Variants in A2ML1 observed in about 807,000 individuals in gnomAD.
A2ML1 encodes the protein alpha-2-macroglobulin-like protein 1.
A neutral mutation model predicts 181.9 loss-of-function variants in A2ML1; 161 were observed. The ratio of observed to expected loss-of-function variants is 0.89; its 90% CI spans 0.78 to 1.01. The LOEUF (loss-of-function observed/expected upper bound fraction) is 1.01, where lower values mean the gene tolerates loss of function less well. Among genes scored for constraint, A2ML1 ranks in the 50% least tolerant of loss-of-function variants. The pLI is 0.00. For missense variants in A2ML1, 1,670 were observed against 1,768.1 expected, an observed-to-expected ratio of 0.94 and a Z score of 1.00; for synonymous variants, 663 against 666.8, an observed-to-expected ratio of 0.99 and a Z score of 0.09.
chr12:8,861,787 TTCTC>T (rs1471745098), intron 28 of A2ML1, among the ~76,000 whole-genome samples: 1 of 146,712 alleles, frequency 6.8e-6, no homozygotes, highest in African/African-American at 2.6e-5. Flanking sequence ...ACGCCCGAGT[TTCTC>T]TCTTCTTGCC....
Position 8,868,519 on chromosome 12 carries a change from T to G in A2ML1, c.4062-18T>G. ...TGAAGTAATAGGCTCACATGTGTTT[T>G]CTTCTTCCTGCTCTCAGTTATGTGG... On this transcript the variant is annotated intron_variant, in intron 31 of 35. Coordinates refer to ENST00000299698, the MANE Select transcript of A2ML1 (RefSeq NM_144670.6). The G allele has an allele frequency of 6.2e-7, 1 of 1,613,138 alleles. No homozygotes were observed.
chr12:8,830,916 TA>T (rs1943090823), intron 4 of A2ML1: 1 of 151,820 alleles, frequency 6.6e-6, no homozygotes, highest in South Asian at 2.1e-4. Flanking sequence ...TTTTCTTTGG[TA>T]GGTATAACGT....
chr12:8,825,340 CA>C (rs1342498672), intron 3 of A2ML1, among the ~76,000 whole-genome samples: 1 of 152,112 alleles, frequency 6.6e-6, no homozygotes, highest in Non-Finnish European at 1.5e-5. Flanking sequence ...ATTTCTCTGA[CA>C]GTCAATGATT....
rs1944726318 is a variant in A2ML1 at position 8,874,274 on chromosome 12, C to A, written c.4222-151C>A. On this transcript the variant is annotated intron_variant, in intron 33 of 35. Transcript: ENST00000299698. ...CTGGTGATTCACCCACTTCGGCCTC[C>A]CAAAGTGCTGGGATTAGAGGCATGA... 9.5e-6 allele frequency: 5 copies of A among 523,636 alleles called. No homozygotes were observed. In the South Asian group the frequency reaches 1.0e-4, roughly 11 times the overall value. The allele number at this position is 523,636 out of a possible 1,614,324, so 32.4% of individuals were successfully genotyped here.
In A2ML1 at chr12:8,823,185, C is replaced by G; in HGVS notation, c.66C>G (p.Asn22Lys). 6.2e-7 allele frequency: 1 copy of G among 1,613,118 alleles called. No individual in the cohort carries two copies. The highest frequency in any genetic ancestry group is 8.5e-7 in the Non-Finnish European group (1 of 1,179,672). The change falls in exon 2 of 36, where the codon AAC becomes AAG. Residue 22 changes from asparagine (N) to lysine (K), a missense_variant. Asn to Lys is a moderately conservative substitution (Grantham distance 94, BLOSUM62 0). Transcript: ENST00000299698. ...AATCCTTCTGCTCCTTTAATAGAAA[C>G]TACCTGGTGACATTACCAGCCCGGC... is the stretch of plus-strand genomic sequence containing the variant. ...LSPAIAEELP[N>K]YLVTLPARLN...
Position 8,836,352 on chromosome 12 carries a change from G to T in A2ML1, c.728+13G>T. On this transcript the variant is annotated intron_variant, in intron 7 of 35. Coordinates refer to ENST00000299698, the MANE Select transcript of A2ML1 (RefSeq NM_144670.6). Reference sequence around the variant, plus strand: ...AAATTTGTTGTAGGTAAGAGCAGAAGCTTGGGATCTGGTGGAGATTAAAGA... The same window carrying T: ...AAATTTGTTGTAGGTAAGAGCAGAATCTTGGGATCTGGTGGAGATTAAAGA... 1 of 1,606,204 alleles carries T rather than the reference G, an allele frequency of 6.2e-7. No homozygotes were observed. The highest frequency in any genetic ancestry group is 1.7e-4 in the Middle Eastern group (1 of 6,048).
intron 26 of A2ML1, among the ~76,000 whole-genome samples, chr12:8,859,946 A>T (rs1341243554): frequency 6.6e-6 from 1 of 152,076 alleles, no homozygotes; most frequent in Non-Finnish European, 1.5e-5. Context: ...GGTGTGGCAC[A>T]TGAGCTCCAG....
chr12:8,876,289 G>A lies in A2ML1; in HGVS notation c.*233G>A, dbSNP rs1486293580. On this transcript the variant is annotated 3_prime_UTR_variant, in exon 36 of 36. Transcript: ENST00000299698. ...GGCGTTGCATGGGCAGGGTCATAGG[G>A]GGAAGAAAGGTGGTTTAGCTGTTTT... 4 of 152,296 alleles carry A rather than the reference G, an allele frequency of 2.6e-5. No homozygotes were observed. The highest frequency in any genetic ancestry group is 9.7e-5 in the African/African-American group (4 of 41,448). The allele number at this position is 152,296 out of a possible 1,614,324, so 9.4% of individuals were successfully genotyped here.
Position 8,850,256 on chromosome 12 carries a change from G to T in A2ML1, c.2216G>T (p.Trp739Leu), listed in dbSNP as rs759542049. 4.7e-5 allele frequency: 75 copies of T among 1,612,414 alleles called. No homozygotes were observed. The highest frequency in any genetic ancestry group is 6.2e-5 in the Non-Finnish European group (73 of 1,179,532). Residue 739 changes from tryptophan (W) to leucine (L), a missense_variant, in exon 18 of 36, where the codon TGG (tryptophan) becomes TTG (leucine). By Grantham distance (61) the Trp-to-Leu change is moderately conservative (BLOSUM62 -2). Coordinates refer to ENST00000299698, the MANE Select transcript of A2ML1 (RefSeq NM_144670.6). ...CAGTACTTCCCAGAGACCTGGCTCT[G>T]GGATCTGTTTCCTATTGGGTAAGTG... Reference protein sequence around the residue: ...VRQYFPETWLWDLFPIGNSGK... With the variant: ...VRQYFPETWLLDLFPIGNSGK...
At position 8,876,597 on chromosome 12, in the gene A2ML1, C is replaced by T. The variant is rs1485822777; in HGVS notation, c.*541C>T. 6.6e-6 allele frequency: 1 copy of T among 152,216 alleles called. No individual in the cohort carries two copies. Among genetic ancestry groups the T allele is most frequent in the South Asian group, 2.1e-4 (1 of 4,820 alleles). 9.4% of individuals were successfully genotyped at this position (152,216 alleles called of 1,614,324 possible). On this transcript the variant is annotated 3_prime_UTR_variant, in exon 36 of 36. Transcript: ENST00000299698. ...CCAAGGCAGGAGAATCGCCTCAACA[C>T]TGGAGGTGGAGGTTGCAGTGAGCTG... is the stretch of plus-strand genomic sequence containing the variant.
chr12:8,829,755 C>T lies in A2ML1; in HGVS notation c.438C>T (p.Ser146=). The change falls in exon 4 of 36, where the codon AGC becomes AGT. Residue 146 remains serine, a synonymous_variant. Coordinates refer to ENST00000299698, the MANE Select transcript of A2ML1 (RefSeq NM_144670.6). ...QVYFRIVTMD[S]NFVPVNDKYS... ...ATTTCCGCATTGTCACCATGGATAG[C>T]AACTTCGTTCCAGTGAATGACAAGG... The T allele has an allele frequency of 6.2e-7, 1 of 1,613,744 alleles. No individual in the cohort carries two copies. The highest frequency in any genetic ancestry group is 8.5e-7 in the Non-Finnish European group (1 of 1,179,962).
chr12:8,841,544 T>A lies in A2ML1; in HGVS notation c.1248+8T>A, dbSNP rs368863619. Reference sequence around the variant, plus strand: ...ACAGACGTTTCTCTGGAGGTAAGCATGGACGGAGGACCAGCTTCCTAGAAA... The same window carrying A: ...ACAGACGTTTCTCTGGAGGTAAGCAAGGACGGAGGACCAGCTTCCTAGAAA... On this transcript the variant is annotated splice_region_variant and intron_variant, in intron 11 of 35. Transcript: ENST00000299698. 5.0e-6 allele frequency: 8 copies of A among 1,604,542 alleles called. No homozygotes were observed. In the South Asian group the frequency reaches 9.0e-5, roughly 18 times the overall value.
intron 30 of A2ML1, 48 bp downstream of exon 30, chr12:8,868,105 G>T: frequency 6.2e-7 from 1 of 1,609,840 alleles, no homozygotes; most frequent in Non-Finnish European, 8.5e-7. Flanking sequence ...AGGAGAGTCG[G>T]AGAGCATCTT....
chr12:8,881,475 T>C (rs1397436829), downstream of A2ML1, among the ~76,000 whole-genome samples: 1 of 152,204 alleles, frequency 6.6e-6, no homozygotes, highest in Non-Finnish European at 1.5e-5. Flanking sequence ...CTGTCTCTTG[T>C]CATATAAGTT....
At chr12:8,845,587 C>T (rs1592127509) in intron 13 of A2ML1, 85 bp downstream of exon 13, 1 of 1,392,978 alleles carries the variant, frequency 7.2e-7, no homozygotes, top group Non-Finnish European at 1.0e-6. Flanking sequence ...GTGGCTCATG[C>T]CTGTAATCCC....
intron 4 of A2ML1, among the ~76,000 whole-genome samples, chr12:8,833,005 G>A (rs1208267779): frequency 2.3e-5 from 3 of 132,652 alleles, no homozygotes; most frequent in South Asian, 2.4e-4. Context: ...ACGGAGTTTC[G>A]CTGCGTTGCC....
chr12:8,847,242 T>C, intron 14 of A2ML1, among the ~76,000 whole-genome samples: 1 of 48,500 alleles, frequency 2.1e-5, no homozygotes, highest in African/African-American at 9.0e-5. Flanking sequence ...ACCCTGTCTC[T>C]ATTAAAAAAA....
intron 14 of A2ML1, among the ~76,000 whole-genome samples, chr12:8,846,605 A>C (rs1351990532): frequency 2.0e-5 from 3 of 152,060 alleles, no homozygotes; most frequent in African/African-American, 7.2e-5. Context: ...GGATCACCTG[A>C]TGCTAGGAGT....
At chr12:8,880,042 A>G (rs1347157619), downstream of A2ML1, among the ~76,000 whole-genome samples, 2 of 152,174 alleles carry the variant, frequency 1.3e-5, no homozygotes, top group East Asian at 3.9e-4. Flanking sequence ...ATACAGTGTG[A>G]CCAAAAAAAT....
Sources: allele counts gnomAD v4.1 joint callset (sites outside exome capture counted in the v4.1 genomes callset), GRCh38; gene constraint gnomAD v4.1.1; transcripts MANE v1.5; gene names NCBI Gene and HGNC (gene_info 2026-07-23, HGNC 2026-07-21).